KALRN: variants seen among roughly 807,000 people sequenced by gnomAD.
KALRN encodes kalirin RhoGEF kinase, also known as kalirin.
In KALRN, 70 loss-of-function variants were observed where a neutral mutation model predicts 353.7. The ratio of observed to expected loss-of-function variants is 0.20; its 90% CI spans 0.16 to 0.24. KALRN has a LOEUF of 0.24. Among genes scored for constraint, KALRN ranks in the 10% least tolerant of loss-of-function variants. The pLI, the probability that KALRN is intolerant of heterozygous loss-of-function variation, is 1.00. For synonymous variants in KALRN, 1,391 were observed against 1,434.8 expected (o/e 0.97, Z 0.69); for missense variants, 2,791 against 3,756.7 (o/e 0.74, Z 6.72).
intron 1 of KALRN, among the ~76,000 whole-genome samples, chr3:124,069,261 C>T (rs1321449791): frequency 6.8e-6 from 1 of 146,386 alleles, no homozygotes; most frequent in Non-Finnish European, 1.5e-5. Context: ...TTCTGTAGTC[C>T]ACATTCTTTC....
Position 124,434,321 on chromosome 3 carries a change from C to T in KALRN, c.2844C>T (p.Ala948=). 1 of 1,612,674 alleles carries T rather than the reference C, an allele frequency of 6.2e-7. No homozygotes were observed. The highest frequency in any genetic ancestry group is 8.5e-7 in the Non-Finnish European group (1 of 1,179,950). Residue 948 remains alanine (A), a synonymous_variant, in exon 17 of 60, where the codon GCC becomes GCT. Coordinates refer to ENST00000682506, the MANE Select transcript of KALRN (RefSeq NM_001388419.1). ...FQLAIESLFH[A]TSLQKTHQSA... ...CTTGTGCCCAGTCCCTCTTTCATGC[C>T]ACTTCCTTGCAGAAGACGCACCAGA...
chr3:124,496,008 TATATACACACAC>T (rs1561137810), intron 32 of KALRN, among the ~76,000 whole-genome samples: 2 of 60,582 alleles, frequency 3.3e-5, no homozygotes, highest in South Asian at 1.0e-3. Context: ...TATATATATA[TATATACACACAC>T]ATATATACAT....
At chr3:124,370,561 T>C (rs2085703029) in intron 10 of KALRN, among the ~76,000 whole-genome samples, 1 of 152,238 alleles carries the variant, frequency 6.6e-6, no homozygotes, top group African/African-American at 2.4e-5. Flanking sequence ...AGTCTGCTTT[T>C]GCTTTGACAG....
chr3:124,717,335 G>C lies in KALRN; in HGVS notation c.8365G>C (p.Glu2789Gln), dbSNP rs1406460321. 2 of 1,612,502 alleles carry C rather than the reference G, an allele frequency of 1.2e-6. No individual in the cohort carries two copies. Among genetic ancestry groups the C allele is most frequent in the Admixed American group, 3.3e-5 (2 of 59,794 alleles). Residue 2789 changes from glutamate to glutamine, a missense_variant, in exon 59 of 60, where the codon GAG becomes CAG. Physicochemically the swap from Glu to Gln is conservative, Grantham distance 29. Around this residue, in one of 11 missense-constraint regions of KALRN, gnomAD observed 188 missense variants for 402.9 expected, o/e 0.47. Coordinates refer to ENST00000682506, the MANE Select transcript of KALRN (RefSeq NM_001388419.1). ...KVAFYIRDIMEALQYLHNCRV... is the reference protein window; with the variant it reads ...KVAFYIRDIMQALQYLHNCRV... ...AGCTTTCTATATCCGAGACATCATG[G>C]AGGCTCTGCAGTACCTTCACAACTG...
At chr3:124,380,358 C>G (rs1425011906) in intron 10 of KALRN, among the ~76,000 whole-genome samples, 1 of 152,140 alleles carries the variant, frequency 6.6e-6, no homozygotes, top group African/African-American at 2.4e-5. Context: ...TGAAGTTAGA[C>G]TTAAGGGCTG....
chr3:124,455,718 CA>C (rs2059246355), intron 22 of KALRN, among the ~76,000 whole-genome samples: 2 of 152,176 alleles, frequency 1.3e-5, no homozygotes, highest in Admixed American at 1.3e-4. Flanking sequence ...TGTTAATCAG[CA>C]AATGATTAGA....
chr3:124,360,953 T>C (rs564802870), intron 10 of KALRN, among the ~76,000 whole-genome samples: 1 of 152,358 alleles, frequency 6.6e-6, no homozygotes, highest in South Asian at 2.1e-4. Context: ...ATTTGTAAGG[T>C]TTTAAACCTA....
intron 36 of KALRN, among the ~76,000 whole-genome samples, chr3:124,636,476 T>C (rs1034064334): frequency 3.3e-5 from 5 of 151,688 alleles, no homozygotes; most frequent in African/African-American, 1.2e-4. Flanking sequence ...GGTCCTGGAG[T>C]CGTCTCTCTT....
At chr3:124,418,618 C>A (rs2150325415) in intron 14 of KALRN, among the ~76,000 whole-genome samples, 1 of 152,296 alleles carries the variant, frequency 6.6e-6, no homozygotes, top group African/African-American at 2.4e-5. Flanking sequence ...CCAGAAATAT[C>A]TAAATCTTAC....
intron 1 of KALRN, among the ~76,000 whole-genome samples, chr3:124,098,137 G>A (rs895594609): frequency 9.2e-5 from 14 of 152,212 alleles, no homozygotes; most frequent in African/African-American, 3.4e-4. Context: ...ATGAAAGACT[G>A]CTGCTCTTTA....
chr3:124,450,428 A>G (rs1214406448), intron 21 of KALRN, among the ~76,000 whole-genome samples: 1 of 152,244 alleles, frequency 6.6e-6, no homozygotes, highest in Non-Finnish European at 1.5e-5. Flanking sequence ...GCCTTAGCTG[A>G]ACTAAACTAT....
At chr3:124,250,759 G>A (rs1295299228) in intron 3 of KALRN, among the ~76,000 whole-genome samples, 1 of 152,182 alleles carries the variant, frequency 6.6e-6, no homozygotes, top group Non-Finnish European at 1.5e-5. Flanking sequence ...AAATGGGAGG[G>A]CTATGTGGGT....
At chr3:124,613,349 AG>A (rs2078215722) in intron 34 of KALRN, among the ~76,000 whole-genome samples, 1 of 152,146 alleles carries the variant, frequency 6.6e-6, no homozygotes, top group South Asian at 2.1e-4. Flanking sequence ...CTCTTGCCCT[AG>A]GTGAATAAGT....
intron 20 of KALRN, 94 bp downstream of exon 20, chr3:124,446,370 G>A (rs624450): frequency 0.38 from 317,215 of 827,064 alleles, 62,409 homozygotes; most frequent in African/African-American, 0.44. Context: ...CACAGCAGCA[G>A]ATTGGGGATG....
At chr3:124,387,689 C>A (rs2088608004) in intron 11 of KALRN, among the ~76,000 whole-genome samples, 1 of 152,146 alleles carries the variant, frequency 6.6e-6, no homozygotes, top group African/African-American at 2.4e-5. Context: ...TCTCTTTCTC[C>A]TCAGTCCCAA....
At chr3:124,686,552 G>T (rs115928186) in intron 51 of KALRN, among the ~76,000 whole-genome samples, 190 of 152,216 alleles carry the variant, frequency 1.2e-3, no homozygotes, top group African/African-American at 4.6e-3. Flanking sequence ...GAGGTGGGAG[G>T]TGCCTGGCAC....
intron 1 of KALRN, among the ~76,000 whole-genome samples, chr3:124,173,756 C>T (rs1023786839): frequency 1.3e-5 from 2 of 152,200 alleles, no homozygotes; most frequent in African/African-American, 2.4e-5. Context: ...GCTGGGATTA[C>T]AGGCATGTGC....
At chr3:124,570,032 C>G (rs56822079) in intron 34 of KALRN, among the ~76,000 whole-genome samples, 1 of 152,066 alleles carries the variant, frequency 6.6e-6, no homozygotes, top group Non-Finnish European at 1.5e-5. Context: ...ATGGAAGTCC[C>G]CTGCACTTTC....
chr3:124,724,090 C>A lies in KALRN; in HGVS notation c.*4620C>A, dbSNP rs2063390597. ...GAGTTGCATATTTGCTATCCCATAACCTCCATGATTAGAGCCCACGAGTTA... is the reference window on the plus strand; with the variant it reads ...GAGTTGCATATTTGCTATCCCATAAACTCCATGATTAGAGCCCACGAGTTA... On this transcript the variant is annotated 3_prime_UTR_variant, in exon 60 of 60. Coordinates refer to ENST00000682506, the MANE Select transcript of KALRN (RefSeq NM_001388419.1). The A allele has an allele frequency of 6.6e-6, 1 of 151,180 alleles. No homozygotes were observed. Among genetic ancestry groups the A allele is most frequent in the African/African-American group, 2.4e-5 (1 of 41,160 alleles). 9.4% of individuals were successfully genotyped at this position (151,180 alleles called of 1,614,324 possible).
Sources: allele counts gnomAD v4.1 joint callset (sites outside exome capture counted in the v4.1 genomes callset), GRCh38; gene constraint gnomAD v4.1.1; regional missense constraint gnomAD v4.1.1; transcripts MANE v1.5; gene names NCBI Gene and HGNC (gene_info 2026-07-23, HGNC 2026-07-21).